Variants in CDH13 observed in about 807,000 individuals in gnomAD.
CDH13 encodes the protein cadherin 13.
In CDH13, 24 loss-of-function variants were observed where a neutral mutation model predicts 63.8. The observed-to-expected ratio is 0.38, with a 90% CI of 0.27 to 0.53. The LOEUF (loss-of-function observed/expected upper bound fraction) is 0.53, where lower values mean the gene tolerates loss of function less well. Among genes scored for constraint, CDH13 ranks in the 20% least tolerant of loss-of-function variants. The pLI is 0.85. For missense variants in CDH13, 1,049 were observed against 903.1 expected, an observed-to-expected ratio of 1.16 and a Z score of -2.07; for synonymous variants, 503 against 355.3, an observed-to-expected ratio of 1.42 and a Z score of -4.67.
chr16:83,583,562 A>C (rs114110762), intron 7 of CDH13, among the ~76,000 whole-genome samples: 239 of 152,306 alleles, frequency 1.6e-3, no homozygotes, highest in African/African-American at 5.5e-3. Flanking sequence ...TTATCCTCAT[A>C]ATAGTGATGG....
intron 3 of CDH13, among the ~76,000 whole-genome samples, chr16:83,079,791 C>G (rs542835734): frequency 3.9e-5 from 6 of 152,248 alleles, no homozygotes; most frequent in Non-Finnish European, 7.4e-5. Flanking sequence ...ATTTTAATGA[C>G]TGCATAATAT....
chr16:82,696,979 T>A (rs1278575027), intron 1 of CDH13, among the ~76,000 whole-genome samples: 2 of 152,102 alleles, frequency 1.3e-5, no homozygotes, highest in African/African-American at 4.8e-5. Context: ...TCTTAAGGTA[T>A]TTACACAAAA....
intron 10 of CDH13, among the ~76,000 whole-genome samples, chr16:83,702,641 C>T (rs1187797676): frequency 1.3e-5 from 2 of 152,222 alleles, no homozygotes; most frequent in South Asian, 2.1e-4. Flanking sequence ...GAGTGCTTCT[C>T]ATCTCCCCAC....
intron 10 of CDH13, among the ~76,000 whole-genome samples, chr16:83,707,040 AGGAGAAAT>A (rs1328524848): frequency 3.3e-5 from 5 of 152,208 alleles, no homozygotes. Context: ...CCCACAAAGA[AGGAGAAAT>A]GGATAAACAG....
chr16:83,036,893 C>T (rs1461939486), intron 3 of CDH13, among the ~76,000 whole-genome samples: 1 of 152,128 alleles, frequency 6.6e-6, no homozygotes, highest in African/African-American at 2.4e-5. Context: ...TCCCAGGGTC[C>T]ACTTTTCTTG....
intron 3 of CDH13, among the ~76,000 whole-genome samples, chr16:83,118,104 G>T (rs1007802046): frequency 6.6e-6 from 1 of 152,172 alleles, no homozygotes; most frequent in Non-Finnish European, 1.5e-5. Context: ...GCTGCAGCAG[G>T]CCTCGGATGA....
intron 5 of CDH13, among the ~76,000 whole-genome samples, chr16:83,296,534 A>G (rs2089601994): frequency 6.6e-6 from 1 of 152,158 alleles, no homozygotes; most frequent in Non-Finnish European, 1.5e-5. Context: ...TTTATTAGTA[A>G]TGTCTGCCTC....
At chr16:83,231,319 C>T (rs571693768) in intron 5 of CDH13, among the ~76,000 whole-genome samples, 4 of 152,238 alleles carry the variant, frequency 2.6e-5, no homozygotes, top group Admixed American at 6.5e-5. Flanking sequence ...AGCATCTGTG[C>T]GTTGGCAAAT....
At chr16:82,951,880 A>G (rs1042903631) in intron 2 of CDH13, among the ~76,000 whole-genome samples, 6 of 152,196 alleles carry the variant, frequency 3.9e-5, no homozygotes, top group Non-Finnish European at 5.9e-5. Flanking sequence ...CAGGAGCCAC[A>G]GAAGTGCAAC....
chr16:83,381,051 A>C (rs570490950), intron 6 of CDH13, among the ~76,000 whole-genome samples: 1 of 152,182 alleles, frequency 6.6e-6, no homozygotes, highest in African/African-American at 2.4e-5. Flanking sequence ...ATTGATCTTA[A>C]AGTTTTAATA....
At chr16:83,244,783 C>T (rs1284220192) in intron 5 of CDH13, among the ~76,000 whole-genome samples, 1 of 152,136 alleles carries the variant, frequency 6.6e-6, no homozygotes, top group Non-Finnish European at 1.5e-5. Context: ...TTAATTCCCC[C>T]AGGGAGAAAT....
chr16:83,213,729 G>T (rs556774589), intron 4 of CDH13, among the ~76,000 whole-genome samples: 1 of 152,166 alleles, frequency 6.6e-6, no homozygotes. Flanking sequence ...ATCCATATTT[G>T]GGCAAAGGTG....
intron 11 of CDH13, among the ~76,000 whole-genome samples, chr16:83,757,349 G>A (rs571898844): frequency 2.6e-4 from 39 of 152,234 alleles, no homozygotes; most frequent in South Asian, 6.2e-4. Context: ...AGGCTGAGGC[G>A]GGTGAATCAC....
intron 7 of CDH13, among the ~76,000 whole-genome samples, chr16:83,508,665 C>G (rs367772162): frequency 2.0e-4 from 31 of 152,134 alleles, no homozygotes; most frequent in African/African-American, 7.5e-4. Flanking sequence ...GTTTGAACAC[C>G]AGTTGTCCAC....
chr16:83,461,155 G>A (rs1389590560), intron 6 of CDH13, among the ~76,000 whole-genome samples: 2 of 151,968 alleles, frequency 1.3e-5, no homozygotes, highest in Non-Finnish European at 2.9e-5. Flanking sequence ...AGTGTTGACT[G>A]TACTATTTAT....
intron 5 of CDH13, among the ~76,000 whole-genome samples, chr16:83,302,113 C>A (rs956280808): frequency 6.6e-6 from 1 of 152,154 alleles, no homozygotes; most frequent in African/African-American, 2.4e-5. Context: ...TGATGTAACA[C>A]ACAGAGAATG....
At chr16:82,720,992 G>A (rs988802512) in intron 1 of CDH13, among the ~76,000 whole-genome samples, 2 of 152,174 alleles carry the variant, frequency 1.3e-5, no homozygotes, top group African/African-American at 4.8e-5. Flanking sequence ...CTCCCCACAT[G>A]ATTATGGGAT....
chr16:82,923,155 G>A (rs962145734), intron 2 of CDH13, among the ~76,000 whole-genome samples: 1 of 152,214 alleles, frequency 6.6e-6, no homozygotes, highest in Admixed American at 6.5e-5. Flanking sequence ...GCTGCAATTT[G>A]TAAAAACTGC....
chr16:82,771,934 C>CT (rs1262970388), intron 1 of CDH13, among the ~76,000 whole-genome samples: 1 of 152,206 alleles, frequency 6.6e-6, no homozygotes, highest in Non-Finnish European at 1.5e-5. Flanking sequence ...ATTTATAACT[C>CT]TTGACCCACA....
Sources: gnomAD v4.1 joint callset for allele counts (sites outside exome capture counted in the v4.1 genomes callset) on GRCh38, gnomAD v4.1.1 for gene constraint, MANE v1.5 for transcripts, NCBI Gene and HGNC (gene_info 2026-07-23, HGNC 2026-07-21) for gene names.